The following SPECC1L variants were observed in gnomAD, a reference collection of about 807,000 sequenced individuals.
The protein encoded by SPECC1L is sperm antigen with calponin homology and coiled-coil domains 1 like.
A neutral mutation model predicts 116.8 loss-of-function variants in SPECC1L; 40 were observed. The ratio of observed to expected loss-of-function variants is 0.34; its 90% CI spans 0.27 to 0.45. The LOEUF (loss-of-function observed/expected upper bound fraction) is 0.45, where lower values mean the gene tolerates loss of function less well. Among genes scored for constraint, SPECC1L ranks in the 20% least tolerant of loss-of-function variants. The probability of loss-of-function intolerance (pLI) is 1.00; values close to 1 mark genes in which losing one functional copy is unlikely to be tolerated. For synonymous variants in SPECC1L, 504 were observed against 500.6 expected (o/e 1.01, Z -0.09); for missense variants, 1,110 against 1,373.6 (o/e 0.81, Z 3.03).
rs188565178 is a variant in SPECC1L at position 24,344,309 on chromosome 22, T to C, written c.2653-2777T>C. Among the ~76,000 whole-genome samples the C allele has an allele frequency of 1.4e-3, 208 of 151,256 alleles. 3 individuals are homozygous for C. Among genetic ancestry groups the C allele is most frequent in the Non-Finnish European group, 3.1e-4 (21 of 67,866 alleles). On this transcript the variant is annotated intron_variant, in intron 10 of 16. Transcript: ENST00000314328. ...GTATCCCAGGGGTGCAAGGTTAAAA[T>C]TTACCTCAACACAATAAAAGAGGGA...
rs566836496 is a variant in SPECC1L, at chr22:24,359,554, C to A, written c.2744-3707C>A. Among the ~76,000 whole-genome samples the A allele has an allele frequency of 5.6e-4, 86 of 152,238 alleles. 1 individual carries two copies. Among genetic ancestry groups the A allele is most frequent in the South Asian group, 1.2e-3 (6 of 4,822 alleles). ...CTGCTGCATCAAAGAGCCCTTGAAT[C>A]TGTGTCCCTCACATTGGCTCCCCTT... On this transcript the variant is annotated intron_variant, in intron 11 of 16. Transcript: ENST00000314328.
chr22:24,406,911 C>T (rs1430212513), intron 14 of SPECC1L, among the ~76,000 whole-genome samples: 1 of 152,180 alleles, frequency 6.6e-6, no homozygotes, highest in African/African-American at 2.4e-5. Flanking sequence ...AACCATGCAA[C>T]AGCCAGTGAC....
At chr22:24,389,585 C>A (rs2146727389) in intron 14 of SPECC1L, among the ~76,000 whole-genome samples, 1 of 151,466 alleles carries the variant, frequency 6.6e-6, no homozygotes, top group Admixed American at 6.6e-5. Context: ...AGTTTCCTAG[C>A]ATGCGTCATT....
intron 10 of SPECC1L, among the ~76,000 whole-genome samples, chr22:24,341,428 C>T (rs2041175435): frequency 6.6e-6 from 1 of 152,150 alleles, no homozygotes; most frequent in South Asian, 2.1e-4. Context: ...GTGGAGACAC[C>T]TCTTTGAATA....
rs202229268 is a variant in SPECC1L, at chr22:24,365,846, CT to C, written c.2984+231del. 0.086 allele frequency among the ~76,000 whole-genome samples: 11,170 copies of C among 129,958 alleles called. 495 individuals carry two copies. Among genetic ancestry groups the C allele is most frequent in the Non-Finnish European group, 0.11 (6,950 of 60,490 alleles). 85.3% of individuals were successfully genotyped at this position (129,958 alleles called of 152,430 possible). The stretch of plus-strand genomic sequence containing the variant: ...AGTTCCTTTCCTCAAGCAGCTGTAT[CT>C]TTTTTTTTTTTTTTTTAGAGAATGG... On this transcript the variant is annotated intron_variant, in intron 13 of 16. Coordinates refer to ENST00000314328, the MANE Select transcript of SPECC1L (RefSeq NM_015330.6).
intron 2 of SPECC1L, among the ~76,000 whole-genome samples, chr22:24,301,647 T>C (rs1003510310): frequency 3.9e-5 from 6 of 152,228 alleles, no homozygotes; most frequent in Non-Finnish European, 8.8e-5. Flanking sequence ...GTATGGTTTC[T>C]AAAGGTTTAT....
intron 4 of SPECC1L, among the ~76,000 whole-genome samples, chr22:24,316,274 T>TTTTATTTATTTATTTATTTATTTA (rs71189243): frequency 2.7e-5 from 4 of 149,120 alleles, no homozygotes; most frequent in African/African-American, 7.4e-5. Context: ...CAGATTTTCT[T>TTTTATTTATTTATTTATTTATTTA]TTTATTTATT....
intron 16 of SPECC1L, among the ~76,000 whole-genome samples, chr22:24,413,722 CT>C (rs2042746643): frequency 1.3e-5 from 2 of 152,266 alleles, no homozygotes; most frequent in African/African-American, 4.8e-5. Flanking sequence ...AAAAGCAGGC[CT>C]TTTTCCCACC....
At chr22:24,353,071 A>C (rs2041457647) in intron 11 of SPECC1L, among the ~76,000 whole-genome samples, 2 of 152,218 alleles carry the variant, frequency 1.3e-5, no homozygotes, top group Non-Finnish European at 2.9e-5. Flanking sequence ...AAAATATTAG[A>C]GTTCCCTTCC....
chr22:24,384,994 C>A (rs1200836310), intron 14 of SPECC1L, among the ~76,000 whole-genome samples: 1 of 149,470 alleles, frequency 6.7e-6, no homozygotes, highest in African/African-American at 2.5e-5. Flanking sequence ...ACCCGGGAGG[C>A]AGAGCTTGCA....
rs975397404 is a variant in SPECC1L, at chr22:24,369,433, G to C, written c.3087+113G>C. 12 of 792,506 alleles carry C rather than the reference G, an allele frequency of 1.5e-5. No homozygotes were observed. The African/African-American group carries it at 1.7e-4, about 11-fold the overall frequency. The allele number at this position is 792,506 out of a possible 1,614,324, so 49.1% of individuals were successfully genotyped here. The stretch of plus-strand genomic sequence containing the variant: ...ATGATAAGTCCTGACCTGGCATGGT[G>C]GATCACACCTATAATCCTAACACAT... On this transcript the variant is annotated intron_variant, in intron 14 of 16. Transcript: ENST00000314328.
rs199816652 is a variant in SPECC1L, at chr22:24,414,706, C to T, written c.*83C>T. The T allele has an allele frequency of 1.8e-5, 22 of 1,220,860 alleles. No homozygotes were observed. The highest frequency in any genetic ancestry group is 2.6e-5 in the Non-Finnish European group (22 of 838,884). 75.6% of individuals were successfully genotyped at this position (1,220,860 alleles called of 1,614,324 possible). A position where few individuals can be genotyped will look rare whatever the true frequency, so the allele number is the denominator to read the frequency against. On this transcript the variant is annotated 3_prime_UTR_variant, in exon 17 of 17. Transcript: ENST00000314328. ...CACCGACGCCATTAGCTACGCACCC[C>T]TGTAAAGCTTCCAGCAACTCTGGGC...
At chr22:24,334,791 C>G (rs1039551800) in intron 9 of SPECC1L, among the ~76,000 whole-genome samples, 5 of 152,218 alleles carry the variant, frequency 3.3e-5, no homozygotes, top group Non-Finnish European at 7.3e-5. Flanking sequence ...GCCTGAATCC[C>G]ATGCAGAGAT....
In SPECC1L at chr22:24,321,760, G is replaced by A; in HGVS notation, c.780G>A (p.Leu260=). 1.2e-6 allele frequency: 2 copies of A among 1,614,194 alleles called. No homozygotes were observed. The highest frequency in any genetic ancestry group is 1.3e-5 in the African/African-American group (1 of 75,046). Residue 260 remains leucine (L), a synonymous_variant, in exon 5 of 17, where the codon CTG becomes CTA. Coordinates refer to ENST00000314328, the MANE Select transcript of SPECC1L (RefSeq NM_015330.6). ...NTAIREELNQ[L]KNENRMLKDR... ...CCATCCGTGAAGAACTCAACCAGCT[G>A]AAAAATGAAAACAGAATGTTAAAGG...
chr22:24,364,101 G>A (rs2041700225), intron 12 of SPECC1L, among the ~76,000 whole-genome samples: 1 of 152,180 alleles, frequency 6.6e-6, no homozygotes, highest in African/African-American at 2.4e-5. Flanking sequence ...TCGACTATGT[G>A]ACTTGTCACT....
At chr22:24,356,424 A>AT (rs1324289875) in intron 11 of SPECC1L, among the ~76,000 whole-genome samples, 4 of 151,904 alleles carry the variant, frequency 2.6e-5, no homozygotes, top group African/African-American at 4.8e-5. Flanking sequence ...TTATTATTAT[A>AT]TTTTTTAAAT....
intron 14 of SPECC1L, among the ~76,000 whole-genome samples, chr22:24,381,960 T>C (rs1172045955): frequency 6.6e-6 from 1 of 152,150 alleles, no homozygotes; most frequent in Non-Finnish European, 1.5e-5. Context: ...AGTGTTTAAA[T>C]AGAAGTTAGG....
At chr22:24,326,777 G>A (rs1356384490) in intron 6 of SPECC1L, among the ~76,000 whole-genome samples, 6 of 152,082 alleles carry the variant, frequency 3.9e-5, no homozygotes, top group Non-Finnish European at 8.8e-5. Context: ...ACCTGACTTT[G>A]TTACACAGTT....
At chr22:24,283,652 G>C (rs1056087294) in intron 2 of SPECC1L, among the ~76,000 whole-genome samples, 8 of 152,112 alleles carry the variant, frequency 5.3e-5, no homozygotes, top group Non-Finnish European at 8.8e-5. Context: ...TAAAGAATTT[G>C]TTTTATTTCT....
Sources: allele counts gnomAD v4.1 joint callset (sites outside exome capture counted in the v4.1 genomes callset), GRCh38; gene constraint gnomAD v4.1.1; transcripts MANE v1.5; gene names NCBI Gene and HGNC (gene_info 2026-07-23, HGNC 2026-07-21).